The following MCM10 variants were observed in gnomAD, a reference collection of about 807,000 sequenced individuals.
MCM10 encodes the protein minichromosome maintenance 10 replication initiation factor.
In MCM10, 91 loss-of-function variants were observed where a neutral mutation model predicts 109.9. The ratio of observed to expected loss-of-function variants is 0.83; its 90% CI spans 0.70 to 0.99. The LOEUF is 0.99. MCM10 is among the 50% of genes least tolerant of loss of function. The probability of loss-of-function intolerance (pLI) is 0.00; values close to 1 mark genes in which losing one functional copy is unlikely to be tolerated. For synonymous variants in MCM10, 380 were observed against 387.2 expected (o/e 0.98, Z 0.22); for missense variants, 1,077 against 1,061.2 (o/e 1.01, Z -0.21).
At position 13,178,424 on chromosome 10, in the gene MCM10, C is replaced by T. The variant is rs1050779272; in HGVS notation, c.765-2018C>T. On this transcript the variant is annotated intron_variant, in intron 6 of 19. Coordinates refer to ENST00000378714, the MANE Select transcript of MCM10 (RefSeq NM_018518.5). ...ATTTTGAGTTGATTTTTGTATATGG[C>T]GAGAGATAGGGATCTAGTTTCATTC... Among the ~76,000 whole-genome samples, 9 of 152,106 alleles carry T rather than the reference C, an allele frequency of 5.9e-5. 1 individual carries two copies. The highest frequency in any genetic ancestry group is 2.6e-4 in the Admixed American group (4 of 15,260).
At chr10:13,169,863 G>A (rs542082386) in intron 2 of MCM10, among the ~76,000 whole-genome samples, 3 of 152,238 alleles carry the variant, frequency 2.0e-5, no homozygotes, top group East Asian at 1.9e-4. Context: ...GGGCCACCAC[G>A]CCCAGCTAAT....
intron 2 of MCM10, among the ~76,000 whole-genome samples, chr10:13,167,518 C>A (rs1834016870): frequency 6.6e-6 from 1 of 151,180 alleles, no homozygotes; most frequent in Non-Finnish European, 1.5e-5. Flanking sequence ...AAGATGTTGG[C>A]TGGATCATCC....
In MCM10 at chr10:13,189,088, G is replaced by A. The variant is rs751298984; in HGVS notation, c.1415+8G>A. On this transcript the variant is annotated splice_region_variant and intron_variant, in intron 10 of 19. Transcript: ENST00000378714. ...CTCGTATGCAGCTTCAATGTAAGAC[G>A]TTCTCGGGCTTCTTTTGGGCAGAGG... 23 of 1,613,958 alleles carry A rather than the reference G, an allele frequency of 1.4e-5. No homozygotes were observed. Among genetic ancestry groups the A allele is most frequent in the South Asian group, 3.3e-5 (3 of 91,088 alleles).
intron 10 of MCM10, among the ~76,000 whole-genome samples, chr10:13,190,113 A>G (rs1834328458): frequency 6.7e-6 from 1 of 150,358 alleles, no homozygotes; most frequent in Non-Finnish European, 1.5e-5. Flanking sequence ...TGGCCTCGTC[A>G]CTACATTATA....
At position 13,197,538 on chromosome 10, in the gene MCM10, G is replaced by T. The variant is rs975308278; in HGVS notation, c.1975-85G>T. The T allele has an allele frequency of 5.6e-6, 7 of 1,255,202 alleles. No homozygotes were observed. In the Admixed American group the frequency reaches 6.9e-5, roughly 12 times the overall value. 77.8% of individuals were successfully genotyped at this position (1,255,202 alleles called of 1,614,324 possible). A position where few individuals can be genotyped will look rare whatever the true frequency, so the allele number is the denominator to read the frequency against. On this transcript the variant is annotated intron_variant, in intron 14 of 19. Transcript: ENST00000378714. ...GTCAGAGAACAGCCAGAATTCACTG[G>T]TTACTAATAAAAAAGGGATCCAGGT... is the stretch of plus-strand genomic sequence containing the variant.
chr10:13,166,661 C>CAGATAT (rs1834003779), intron 2 of MCM10, among the ~76,000 whole-genome samples: 3 of 89,714 alleles, frequency 3.3e-5, no homozygotes, highest in African/African-American at 1.7e-4. Flanking sequence ...TACATACATA[C>CAGATAT]ATATATATAT....
Position 13,175,951 on chromosome 10 carries a change from A to C in MCM10, c.764+270A>C, listed in dbSNP as rs370753982. Among the ~76,000 whole-genome samples, 407 of 152,368 alleles carry C rather than the reference A, an allele frequency of 2.7e-3. 1 individual carries two copies. The highest frequency in any genetic ancestry group is 9.0e-3 in the African/African-American group (375 of 41,590). On this transcript the variant is annotated intron_variant, in intron 6 of 19. Transcript: ENST00000378714. Reference sequence around the variant, plus strand: ...GAAATGGACAAATGATAGTATATTTAATCAGAAATTGACAGATGGAAATAG... The same window carrying C: ...GAAATGGACAAATGATAGTATATTTCATCAGAAATTGACAGATGGAAATAG...
At position 13,209,390 on chromosome 10, in the gene MCM10, A is replaced by G; in HGVS notation, c.*80A>G. The G allele has an allele frequency of 3.6e-6, 4 of 1,102,194 alleles. No individual in the cohort carries two copies. The South Asian group carries it at 5.4e-5, about 15-fold the overall frequency. The allele number at this position is 1,102,194 out of a possible 1,614,324, so 68.3% of individuals were successfully genotyped here. A position where few individuals can be genotyped will look rare whatever the true frequency, so the allele number is the denominator to read the frequency against. On this transcript the variant is annotated 3_prime_UTR_variant, in exon 20 of 20. Coordinates refer to ENST00000378714, the MANE Select transcript of MCM10 (RefSeq NM_018518.5). ...GCAAAGGATTGGCTGTGTATTGTCC[A>G]TTGATTCCTGATTGACGCCGTCAAA...
At chr10:13,196,194 C>T (rs1178173306) in intron 14 of MCM10, among the ~76,000 whole-genome samples, 2 of 152,156 alleles carry the variant, frequency 1.3e-5, no homozygotes, top group Admixed American at 1.3e-4. Flanking sequence ...GCATGAGCCA[C>T]TGTGCCTAAC....
At position 13,171,079 on chromosome 10, in the gene MCM10, T is replaced by C. The variant is rs751669710; in HGVS notation, c.165T>C (p.Tyr55=). The stretch of plus-strand genomic sequence containing the variant: ...ATGCCGACGGCGACGGTGAATCTTA[T>C]ACAGAAGAGGCTGATGATGGAGAAA... ...LFDADGDGES[Y]TEEADDGETG... The change falls in exon 3 of 20, where the codon TAT becomes TAC. Residue 55 remains tyrosine (Y), a synonymous_variant. Transcript: ENST00000378714. The C allele has an allele frequency of 3.7e-6, 6 of 1,614,182 alleles. No individual in the cohort carries two copies. The highest frequency in any genetic ancestry group is 1.1e-5 in the South Asian group (1 of 91,078).
chr10:13,194,935 A>G, intron 13 of MCM10, 106 bp from the exon 14 acceptor site: 2 of 914,670 alleles, frequency 2.2e-6, no homozygotes, highest in Non-Finnish European at 3.3e-6. Context: ...GCTAACAACT[A>G]GCTCCCAACT....
intron 2 of MCM10, among the ~76,000 whole-genome samples, chr10:13,169,642 T>C (rs1468882572): frequency 6.6e-6 from 1 of 152,164 alleles, no homozygotes; most frequent in Non-Finnish European, 1.5e-5. Flanking sequence ...ATTAATGAGG[T>C]GTGATACAGT....
At chr10:13,189,356 T>C (rs1007454976) in intron 10 of MCM10, among the ~76,000 whole-genome samples, 1 of 151,464 alleles carries the variant, frequency 6.6e-6, no homozygotes, top group Admixed American at 6.6e-5. Context: ...GGAGTCTTAC[T>C]CTATCACCCA....
Position 13,198,714 on chromosome 10 carries a change from G to C in MCM10, c.2145G>C (p.Arg715Ser). 6.2e-7 allele frequency: 1 copy of C among 1,613,194 alleles called. No individual in the cohort carries two copies. Among genetic ancestry groups the C allele is most frequent in the Non-Finnish European group, 8.5e-7 (1 of 1,179,578 alleles). ...SQAEDELEPARKKRREQLAYL... is the reference protein window; with the variant it reads ...SQAEDELEPASKKRREQLAYL... ...CTGAGGATGAATTGGAGCCTGCCAG[G>C]AAAAAAAGGAGAGAACAACTTGCCT... Residue 715 changes from arginine (R) to serine (S), a missense_variant, in exon 16 of 20, where the codon AGG (arginine) becomes AGC (serine). By Grantham distance (110) the Arg-to-Ser change is moderately radical. Coordinates refer to ENST00000378714, the MANE Select transcript of MCM10 (RefSeq NM_018518.5).
chr10:13,178,199 TTCTCTTGCC>T lies in MCM10; in HGVS notation c.765-2238_765-2230del, dbSNP rs1834165826. Among the ~76,000 whole-genome samples, 5 of 152,186 alleles carry T rather than the reference TTCTCTTGCC, an allele frequency of 3.3e-5. No homozygotes were observed. In the South Asian group the frequency reaches 1.0e-3, roughly 31 times the overall value. On this transcript the variant is annotated intron_variant, in intron 6 of 19. Coordinates refer to ENST00000378714, the MANE Select transcript of MCM10 (RefSeq NM_018518.5). ...ACCTCTGCCTCCCGAGTTCAAGTGA[TTCTCTTGCC>T]TCTCAGCCTCCCGAGTAGCTCAGAC...
At chr10:13,208,566 C>CAAA (rs55683228) in intron 18 of MCM10, among the ~76,000 whole-genome samples, 57,736 of 113,586 alleles carry the variant, frequency 0.51, 15,988 homozygotes, top group Non-Finnish European at 0.63. Context: ...CCCATCTCTC[C>CAAA]AAAAAAAAAA....
At chr10:13,207,914 C>A (rs1834605223) in intron 18 of MCM10, among the ~76,000 whole-genome samples, 1 of 152,160 alleles carries the variant, frequency 6.6e-6, no homozygotes, top group Non-Finnish European at 1.5e-5. Context: ...AGAGCATCCC[C>A]ACCCCACCCC....
intron 13 of MCM10, 35 bp downstream of exon 13, chr10:13,192,603 T>C (rs374005816): frequency 6.3e-7 from 1 of 1,583,608 alleles, no homozygotes; most frequent in Non-Finnish European, 8.7e-7. Flanking sequence ...CCCGCTTGGG[T>C]CATCCATCTC....
intron 2 of MCM10, among the ~76,000 whole-genome samples, chr10:13,165,937 T>C (rs1404022991): frequency 2.0e-5 from 3 of 151,228 alleles, no homozygotes; most frequent in Non-Finnish European, 2.9e-5. Context: ...TCTCATTTGA[T>C]TGGCATGGGT....
Sources: allele counts gnomAD v4.1 joint callset (sites outside exome capture counted in the v4.1 genomes callset), GRCh38; gene constraint gnomAD v4.1.1; transcripts MANE v1.5; gene names NCBI Gene and HGNC (gene_info 2026-07-23, HGNC 2026-07-21).